CECR2: variants seen among roughly 807,000 people sequenced by gnomAD.
CECR2 encodes chromatin remodeling regulator CECR2.
A neutral mutation model predicts 154.5 loss-of-function variants in CECR2; 30 were observed. The observed-to-expected ratio is 0.19, with a 90% CI of 0.15 to 0.26. The LOEUF (loss-of-function observed/expected upper bound fraction) is 0.26. Ranked by LOEUF, CECR2 falls within the 10% of genes least tolerant of loss-of-function variation. The pLI is 1.00. For synonymous variants in CECR2, 725 were observed against 683.7 expected (o/e 1.06, Z -0.94); for missense variants, 1,743 against 1,829.3 (o/e 0.95, Z 0.86).
At chr22:17,490,813 T>C (rs2055515478) in intron 2 of CECR2, among the ~76,000 whole-genome samples, 1 of 152,074 alleles carries the variant, frequency 6.6e-6, no homozygotes, top group South Asian at 2.1e-4. Context: ...TGTGCAACCA[T>C]CACCACTATC....
intron 1 of CECR2, among the ~76,000 whole-genome samples, chr22:17,389,326 T>C (rs1189113599): frequency 6.6e-6 from 1 of 152,078 alleles, no homozygotes; most frequent in Non-Finnish European, 1.5e-5. Context: ...TTGGTACCAT[T>C]CTCTTCTGTC....
At chr22:17,360,255 T>C (rs2062969320) in intron 1 of CECR2, among the ~76,000 whole-genome samples, 2 of 152,238 alleles carry the variant, frequency 1.3e-5, no homozygotes, top group African/African-American at 4.8e-5. Context: ...TCCCATCTAC[T>C]TGGGATGCTG....
chr22:17,466,710 T>A (rs1202652970), intron 1 of CECR2, among the ~76,000 whole-genome samples: 2 of 151,738 alleles, frequency 1.3e-5, no homozygotes, highest in Non-Finnish European at 2.9e-5. Flanking sequence ...TTCTCCTGCC[T>A]CAGCCTCCTG....
At chr22:17,391,592 C>G (rs1168568997) in intron 1 of CECR2, among the ~76,000 whole-genome samples, 11 of 152,132 alleles carry the variant, frequency 7.2e-5, no homozygotes, top group Non-Finnish European at 1.3e-4. Flanking sequence ...CCAAATAGAT[C>G]TCAGCAACTG....
At chr22:17,394,005 A>G (rs150803223) in intron 1 of CECR2, among the ~76,000 whole-genome samples, 11,708 of 149,746 alleles carry the variant, frequency 0.078, 604 homozygotes, top group Non-Finnish European at 0.12. Flanking sequence ...CTCCTGCCTC[A>G]GCCTCCCGAG....
Position 17,435,545 on chromosome 22 carries a change from T to C in CECR2, c.127-42043T>C, listed in dbSNP as rs113548139. Reference sequence around the variant, plus strand: ...AAGTTTAGGAAGCCCTCAGCACCTTTTGAACTGTGTAACCTGACAAGAAAG... The same window carrying C: ...AAGTTTAGGAAGCCCTCAGCACCTTCTGAACTGTGTAACCTGACAAGAAAG... On this transcript the variant is annotated intron_variant, in intron 1 of 18. Transcript: ENST00000262608. Among the ~76,000 whole-genome samples the C allele has an allele frequency of 6.6e-5, 10 of 152,258 alleles. 1 individual carries two copies. The highest frequency in any genetic ancestry group is 2.4e-4 in the African/African-American group (10 of 41,542).
At chr22:17,367,234 CCAAATCATCT>C (rs1261548720), upstream of CECR2, among the ~76,000 whole-genome samples, 5 of 152,112 alleles carry the variant, frequency 3.3e-5, no homozygotes, top group Admixed American at 6.6e-5. Context: ...TAAAAGGTAG[CCAAATCATCT>C]CATCCCTCTG....
chr22:17,544,660 A>T (rs1248814300), intron 16 of CECR2, among the ~76,000 whole-genome samples: 7 of 151,314 alleles, frequency 4.6e-5, no homozygotes, highest in African/African-American at 1.7e-4. Context: ...AAATACAAAA[A>T]TTAGCCAAGC....
chr22:17,444,056 C>T (rs2054622142), intron 1 of CECR2, among the ~76,000 whole-genome samples: 1 of 152,192 alleles, frequency 6.6e-6, no homozygotes, highest in African/African-American at 2.4e-5. Context: ...TGTGCAGGCA[C>T]ACATACGCAC....
intron 1 of CECR2, among the ~76,000 whole-genome samples, chr22:17,364,071 C>T (rs149977928): frequency 6.6e-6 from 1 of 151,984 alleles, no homozygotes; most frequent in Admixed American, 6.6e-5. Context: ...CTCCCGGGCG[C>T]GGTGGCTCAT....
intron 1 of CECR2, among the ~76,000 whole-genome samples, chr22:17,453,808 T>C (rs2054810136): frequency 6.6e-6 from 1 of 152,236 alleles, no homozygotes; most frequent in South Asian, 2.1e-4. Context: ...CTGGGCTTCA[T>C]GGCAGAACTG....
intron 1 of CECR2, among the ~76,000 whole-genome samples, chr22:17,407,222 CTTAGTTAT>C: frequency 6.6e-6 from 1 of 152,208 alleles, no homozygotes; most frequent in East Asian, 1.9e-4. Flanking sequence ...AAATCATTTC[CTTAGTTAT>C]TTCAGTATAA....
rs534979895 is a variant in CECR2 at position 17,424,018 on chromosome 22, A to G, written c.127-53570A>G. 3.9e-5 allele frequency among the ~76,000 whole-genome samples: 6 copies of G among 152,322 alleles called. No homozygotes were observed. In the East Asian group the frequency reaches 1.2e-3, roughly 29 times the overall value. ...TTCTTTTTGTTTTTTGTCACTCTGC[A>G]TCTTCTATTCAGAGCCTATAGCTCT... is the stretch of plus-strand genomic sequence containing the variant. On this transcript the variant is annotated intron_variant, in intron 1 of 18. Transcript: ENST00000262608.
chr22:17,361,254 G>A lies in CECR2; in HGVS notation c.-364+1231G>A, dbSNP rs575739944. ...TATAATCCCAGCATTTTGGGAGGCC[G>A]AGGTGGGCATATCATTGAGGTCAGG... On this transcript the variant is annotated intron_variant, in intron 1 of 18. Transcript: ENST00000400585. 1.6e-4 allele frequency among the ~76,000 whole-genome samples: 25 copies of A among 152,278 alleles called. No individual in the cohort carries two copies. In the South Asian group the frequency reaches 4.6e-3, roughly 28 times the overall value.
At chr22:17,493,047 C>CT (rs1391627388) in intron 2 of CECR2, among the ~76,000 whole-genome samples, 5 of 152,174 alleles carry the variant, frequency 3.3e-5, no homozygotes, top group African/African-American at 9.7e-5. Flanking sequence ...TCTCAGCTCA[C>CT]TGCAACCTCC....
intron 1 of CECR2, among the ~76,000 whole-genome samples, chr22:17,421,753 A>T (rs2054255690): frequency 6.6e-6 from 1 of 150,786 alleles, no homozygotes; most frequent in South Asian, 2.1e-4. Context: ...AGATCCCACC[A>T]TTACACTCCA....
chr22:17,481,173 C>T (rs2055308842), intron 2 of CECR2, among the ~76,000 whole-genome samples: 1 of 149,634 alleles, frequency 6.7e-6, no homozygotes, highest in Non-Finnish European at 1.5e-5. Context: ...GAAACCCCGT[C>T]TCTACTAAAA....
chr22:17,540,351 A>T, intron 13 of CECR2, 61 bp from the exon 14 acceptor site: 1 of 1,385,664 alleles, frequency 7.2e-7, no homozygotes, highest in Non-Finnish European at 9.5e-7. Context: ...TATAAACTAT[A>T]GTTTCTATAA....
intron 1 of CECR2, among the ~76,000 whole-genome samples, chr22:17,426,815 A>G (rs1270485268): frequency 6.6e-6 from 1 of 152,060 alleles, no homozygotes; most frequent in Non-Finnish European, 1.5e-5. Flanking sequence ...TGTGTCCTAT[A>G]AATTGGTGGT....
Sources: gnomAD v4.1 joint callset for allele counts (sites outside exome capture counted in the v4.1 genomes callset) on GRCh38, gnomAD v4.1.1 for gene constraint, MANE v1.5 for transcripts, NCBI Gene and HGNC (gene_info 2026-07-23, HGNC 2026-07-21) for gene names.